TERT: variants seen among roughly 807,000 people sequenced by gnomAD.
The protein encoded by TERT is telomerase catalytic subunit.
TERT carries 42 observed loss-of-function variants against 104.0 expected under a neutral mutation model. The observed-to-expected ratio is 0.40, with a 90% CI of 0.32 to 0.52. The LOEUF is 0.52. Among genes scored for constraint, TERT ranks in the 20% least tolerant of loss-of-function variants. The probability of loss-of-function intolerance (pLI) is 0.43; values close to 1 mark genes in which losing one functional copy is unlikely to be tolerated. For synonymous variants in TERT, 781 were observed against 725.6 expected (o/e 1.08, Z -1.23); for missense variants, 1,101 against 1,610.3 (o/e 0.68, Z 5.41).
rs770543108 is a variant in TERT at position 1,268,561 on chromosome 5, G to A, written c.2541C>T (p.Gly847=). The change falls in exon 9 of 16, where the codon GGC becomes GGT. Residue 847 remains glycine (G), a synonymous_variant. Coordinates refer to ENST00000310581, the MANE Select transcript of TERT (RefSeq NM_198253.3). The surrounding 1 kb of genome is among the most constrained non-coding windows in gnomAD (Gnocchi z 5.5). ...CCGCAAACAGCTTGTTCTCCATGTC[G>A]CCGTAGCACAGGCTGCAGAGCAGCG... ...LSTLLCSLCY[G]DMENKLFAGI... is the part of the protein sequence containing the mutation. The A allele has an allele frequency of 1.9e-5, 30 of 1,613,396 alleles. No homozygotes were observed. Among genetic ancestry groups the A allele is most frequent in the Admixed American group, 1.7e-4 (10 of 60,004 alleles).
At chr5:1,282,902 C>A in intron 2 of TERT, 1 of 492,024 alleles carries the variant, frequency 2.0e-6, no homozygotes, top group Non-Finnish European at 3.7e-6. Context: ...ACACATCCAG[C>A]TCACCGCAGG....
At chr5:1,259,450 G>A (rs112880527) in intron 12 of TERT, among the ~76,000 whole-genome samples, 15 of 129,576 alleles carry the variant, frequency 1.2e-4, no homozygotes, top group African/African-American at 3.9e-4. Flanking sequence ...GAGAGGGAGC[G>A]GACGCAGATG....
Position 1,279,907 on chromosome 5 carries a change from T to C in TERT, c.1950+251A>G, listed in dbSNP as rs10078991. 0.053 allele frequency among the ~76,000 whole-genome samples: 8,107 copies of C among 152,216 alleles called. 744 individuals are homozygous for C. Among genetic ancestry groups the C allele is most frequent in the African/African-American group, 0.18 (7,551 of 41,528 alleles). On this transcript the variant is annotated intron_variant, in intron 4 of 15. Transcript: ENST00000310581. The stretch of plus-strand genomic sequence containing the variant: ...CTCGGGCCGTGCTGCATCCAGGCCC[T>C]GGCCCGGCTGCTTCTTGTGGTCCTC...
rs565369112 is a variant in TERT, at chr5:1,274,028, C to G, written c.2287-1748G>C. Among the ~76,000 whole-genome samples the G allele has an allele frequency of 1.2e-3, 178 of 152,318 alleles. 2 individuals are homozygous for G. The highest frequency in any genetic ancestry group is 2.0e-3 in the Admixed American group (30 of 15,308). ...AGGACGCTTGTCATTTACTACGGGA[C>G]CTGCTAAGCCCCTGCGTCCCCAAGA... On this transcript the variant is annotated intron_variant, in intron 6 of 15. Coordinates refer to ENST00000310581, the MANE Select transcript of TERT (RefSeq NM_198253.3). This position sits in a 1 kb window ranked among gnomAD's most constrained non-coding sequence, Gnocchi z 5.3.
intron 6 of TERT, among the ~76,000 whole-genome samples, chr5:1,272,631 TCCACAGTCACCACACATCAGACCCCAC>T (rs1749158021): frequency 9.1e-5 from 4 of 44,016 alleles, no homozygotes; most frequent in South Asian, 1.3e-3. Flanking sequence ...ACGACCGCCA[TCCACAGTCACCACACATCAGACCCCAC>T]GACCGCCATC....
rs945064716 is a variant in TERT, at chr5:1,294,339, G to A, written c.547C>T (p.Gln183Ter). Residue 183 changes from glutamine to a stop codon, truncating the protein, a stop_gained, in exon 2 of 16, where the codon CAG becomes TAG. Coordinates refer to ENST00000310581, the MANE Select transcript of TERT (RefSeq NM_198253.3). LOFTEE classifies it high-confidence loss of function. ...PPLYQLGAAT[Q>*]ARPPPHASGP... Reference sequence around the variant, plus strand: ...CTAGCGTGTGGCGGGGGCCGGGCCTGAGTGGCAGCGCCGAGCTGGTACAGC... The same window carrying A: ...CTAGCGTGTGGCGGGGGCCGGGCCTAAGTGGCAGCGCCGAGCTGGTACAGC... The A allele has an allele frequency of 6.3e-7, 1 of 1,578,014 alleles. No individual in the cohort carries two copies. Among genetic ancestry groups the A allele is most frequent in the Non-Finnish European group, 8.6e-7 (1 of 1,169,314 alleles).
Position 1,286,647 on chromosome 5 carries a change from G to A in TERT, c.1574-4023C>T, listed in dbSNP as rs1750512143. ...AATCCCAGCACTGTGGGAGGCCAAGGCGGGCAGATCACTTGAGGTCAGGAG... is the reference window on the plus strand; with the variant it reads ...AATCCCAGCACTGTGGGAGGCCAAGACGGGCAGATCACTTGAGGTCAGGAG... On this transcript the variant is annotated intron_variant, in intron 2 of 15. Coordinates refer to ENST00000310581, the MANE Select transcript of TERT (RefSeq NM_198253.3). The surrounding 1 kb of genome is among the most constrained non-coding windows in gnomAD (Gnocchi z 5.3). 6.6e-6 allele frequency among the ~76,000 whole-genome samples: 1 copy of A among 152,196 alleles called. No individual in the cohort carries two copies. The highest frequency in any genetic ancestry group is 2.1e-4 in the South Asian group (1 of 4,828).
At chr5:1,278,455 A>C (rs1259295870) in intron 6 of TERT, among the ~76,000 whole-genome samples, 186 bp downstream of exon 6, 1 of 151,596 alleles carries the variant, frequency 6.6e-6, no homozygotes, top group Non-Finnish European at 1.5e-5. Context: ...ACACACACAC[A>C]CCACAAATAT....
At chr5:1,254,654 G>A (rs1747588248) in intron 14 of TERT, 149 bp from the exon 15 acceptor site, 2 of 877,428 alleles carry the variant, frequency 2.3e-6, no homozygotes, top group East Asian at 5.3e-5. Context: ...CGACAGAAAT[G>A]TTTTCTTCGG....
At chr5:1,293,270 T>G (rs1254328411) in intron 2 of TERT, 43 bp downstream of exon 2, 2 of 1,608,732 alleles carry the variant, frequency 1.2e-6, no homozygotes, top group East Asian at 2.2e-5. Context: ...CCTACTGCAT[T>G]CAGCTCTGGG....
At chr5:1,267,621 T>G (rs34476748) in intron 9 of TERT, among the ~76,000 whole-genome samples, 9 of 152,342 alleles carry the variant, frequency 5.9e-5, no homozygotes, top group Admixed American at 2.6e-4. Context: ...TAAGAAAATG[T>G]GGCACATATA....
In TERT at chr5:1,274,695, C is replaced by T. The variant is rs923417761; in HGVS notation, c.2287-2415G>A. Among the ~76,000 whole-genome samples the T allele has an allele frequency of 2.6e-5, 4 of 152,234 alleles. No homozygotes were observed. Among genetic ancestry groups the T allele is most frequent in the East Asian group, 3.8e-4 (2 of 5,198 alleles). ...GCTGGCTCCCCACACCCCACCTAGC[C>T]TCCCGCTGTGCGCCGGGTTCCTAAC... On this transcript the variant is annotated intron_variant, in intron 6 of 15. Transcript: ENST00000310581. The surrounding 1 kb of genome is among the most constrained non-coding windows in gnomAD (Gnocchi z 5.3).
rs1402902579 is a variant in TERT, at chr5:1,293,037, C to T, written c.1573+276G>A. Among the ~76,000 whole-genome samples the T allele has an allele frequency of 2.6e-5, 4 of 152,246 alleles. No individual in the cohort carries two copies. In the East Asian group the frequency reaches 5.8e-4, roughly 22 times the overall value. ...ATTGCCGGCAACCCGGCTCCACTGC[C>T]GCGCCCAGCCTCCTCTGTTCACTGC... On this transcript the variant is annotated intron_variant, in intron 2 of 15. Coordinates refer to ENST00000310581, the MANE Select transcript of TERT (RefSeq NM_198253.3).
chr5:1,253,950 G>A (rs1223867408), intron 15 of TERT, 119 bp from the exon 16 acceptor site: 15 of 1,130,416 alleles, frequency 1.3e-5, no homozygotes, highest in Non-Finnish European at 1.8e-5. Context: ...CTGGCTGGTG[G>A]GAACCTCAGT....
chr5:1,255,509 A>C lies in TERT; in HGVS notation c.3033-98T>G. The stretch of plus-strand genomic sequence containing the variant: ...CCACCGGTGCCTGTGTGCGTGCATG[A>C]ATGCACATGCATGGGTTTCCTCATG... On this transcript the variant is annotated intron_variant, in intron 13 of 15. Coordinates refer to ENST00000310581, the MANE Select transcript of TERT (RefSeq NM_198253.3). This position sits in a 1 kb window ranked among gnomAD's most constrained non-coding sequence, Gnocchi z 6.9. The C allele has an allele frequency of 1.5e-5, 22 of 1,438,892 alleles. No homozygotes were observed. Among genetic ancestry groups the C allele is most frequent in the Non-Finnish European group, 2.1e-5 (22 of 1,026,842 alleles). The allele number at this position is 1,438,892 out of a possible 1,614,324, so 89.1% of individuals were successfully genotyped here. A position where few individuals can be genotyped will look rare whatever the true frequency, so the allele number is the denominator to read the frequency against.
rs1393609199 is a variant in TERT, at chr5:1,255,542, G to A, written c.3033-131C>T. 9 of 1,135,432 alleles carry A rather than the reference G, an allele frequency of 7.9e-6. No homozygotes were observed. In the African/African-American group the frequency reaches 1.1e-4, roughly 13 times the overall value. The allele number at this position is 1,135,432 out of a possible 1,614,324, so 70.3% of individuals were successfully genotyped here. A position where few individuals can be genotyped will look rare whatever the true frequency, so the allele number is the denominator to read the frequency against. ...TGCATGGGTTTCCTCATGGGCACAG[G>A]TGCACACACACGGATGCATGCATGC... is the stretch of plus-strand genomic sequence containing the variant. On this transcript the variant is annotated intron_variant, in intron 13 of 15. Coordinates refer to ENST00000310581, the MANE Select transcript of TERT (RefSeq NM_198253.3). This position sits in a 1 kb window ranked among gnomAD's most constrained non-coding sequence, Gnocchi z 6.9.
At position 1,271,493 on chromosome 5, in the gene TERT, G is replaced by A. The variant is rs1464366676; in HGVS notation, c.2383-289C>T. ...CCCGGATGGCATATGTGATCCAGGAGTTGCTGCCCAGCTGCCGGGCACAGG... is the reference window on the plus strand; with the variant it reads ...CCCGGATGGCATATGTGATCCAGGAATTGCTGCCCAGCTGCCGGGCACAGG... On this transcript the variant is annotated intron_variant, in intron 7 of 15. Transcript: ENST00000310581. Among the ~76,000 whole-genome samples the A allele has an allele frequency of 2.6e-5, 4 of 152,194 alleles. No individual in the cohort carries two copies. In the East Asian group the frequency reaches 7.7e-4, roughly 29 times the overall value.
chr5:1,266,597 C>T lies in TERT; in HGVS notation c.2583-62G>A, dbSNP rs376128986. ...ACACTTTTTACGTAGTATCTGTCTA[C>T]GAGGGACTGAATGTCAAACAATTTA... On this transcript the variant is annotated intron_variant, in intron 9 of 15. Transcript: ENST00000310581. 2.2e-5 allele frequency: 29 copies of T among 1,329,328 alleles called. No homozygotes were observed. The East Asian group carries it at 2.9e-4, about 14-fold the overall frequency. The allele number at this position is 1,329,328 out of a possible 1,614,324, so 82.3% of individuals were successfully genotyped here.
At position 1,286,474 on chromosome 5, in the gene TERT, C is replaced by T. The variant is rs546913340; in HGVS notation, c.1574-3850G>A. On this transcript the variant is annotated intron_variant, in intron 2 of 15. Coordinates refer to ENST00000310581, the MANE Select transcript of TERT (RefSeq NM_198253.3). This position sits in a 1 kb window ranked among gnomAD's most constrained non-coding sequence, Gnocchi z 5.3. ...GGGTGTCAAGATGCCTGAGATAGAA[C>T]TAAGTCAGCAGGGAAAACAGCACAC... Among the ~76,000 whole-genome samples, 33 of 152,210 alleles carry T rather than the reference C, an allele frequency of 2.2e-4. No individual in the cohort carries two copies. The highest frequency in any genetic ancestry group is 7.2e-4 in the African/African-American group (30 of 41,530).
Sources: gnomAD v4.1 joint callset for allele counts (sites outside exome capture counted in the v4.1 genomes callset) on GRCh38, gnomAD v4.1.1 for gene constraint, Gnocchi (gnomAD v3.1) non-coding constraint, MANE v1.5 for transcripts, NCBI Gene and HGNC (gene_info 2026-07-23, HGNC 2026-07-21) for gene names.